SETBP1: variants seen among roughly 807,000 people sequenced by gnomAD.
SETBP1 encodes the protein SET binding protein 1, also known as SET-binding protein.
SETBP1 carries 9 observed loss-of-function variants against 101.0 expected under a neutral mutation model. The observed-to-expected ratio is 0.09, with a 90% CI of 0.05 to 0.16. The LOEUF (loss-of-function observed/expected upper bound fraction) is 0.16. Ranked by LOEUF, SETBP1 falls within the 10% of genes least tolerant of loss-of-function variation. SETBP1 has a pLI of 1.00. For missense variants in SETBP1, 1,858 were observed against 2,033.8 expected, an observed-to-expected ratio of 0.91 and a Z score of 1.66; for synonymous variants, 818 against 788.5, an observed-to-expected ratio of 1.04 and a Z score of -0.63.
chr18:44,966,864 G>A (rs541587903), intron 4 of SETBP1, among the ~76,000 whole-genome samples: 6 of 152,224 alleles, frequency 3.9e-5, no homozygotes, highest in Admixed American at 1.3e-4. Flanking sequence ...TTCCTAGCCC[G>A]AAAAATGAAG....
At chr18:44,903,120 C>T (rs1278914885) in intron 3 of SETBP1, among the ~76,000 whole-genome samples, 1 of 152,142 alleles carries the variant, frequency 6.6e-6, no homozygotes, top group African/African-American at 2.4e-5. Context: ...TACTTAACCA[C>T]GTCACCATTT....
chr18:44,722,247 T>C (rs2069616197), intron 2 of SETBP1, among the ~76,000 whole-genome samples: 1 of 152,146 alleles, frequency 6.6e-6, no homozygotes, highest in Admixed American at 6.5e-5. Context: ...GAGGAAGGAA[T>C]CCTGGGAACC....
In SETBP1 at chr18:44,748,646, G is replaced by A. The variant is rs186038912; in HGVS notation, c.486+46814G>A. On this transcript the variant is annotated intron_variant, in intron 2 of 5. Transcript: ENST00000649279. ...TTGTGCGTGTGCAGGCACCATGTGC[G>A]TGCTTGTGCATGCACATCCCAGGAG... Among the ~76,000 whole-genome samples, 674 of 152,020 alleles carry A rather than the reference G, an allele frequency of 4.4e-3. 8 individuals carry two copies. The highest frequency in any genetic ancestry group is 0.016 in the African/African-American group (643 of 41,294).
At chr18:44,728,266 T>C (rs2069759024) in intron 2 of SETBP1, among the ~76,000 whole-genome samples, 1 of 152,190 alleles carries the variant, frequency 6.6e-6, no homozygotes, top group Admixed American at 6.5e-5. Context: ...TTCTGGAGAT[T>C]TAGCAGTTAT....
chr18:44,850,001 T>C (rs2072814948), intron 2 of SETBP1, among the ~76,000 whole-genome samples: 1 of 152,236 alleles, frequency 6.6e-6, no homozygotes, highest in Non-Finnish European at 1.5e-5. Context: ...TCTTTTAGTA[T>C]ATGCTTCTAT....
At chr18:44,932,167 G>T (rs910050178) in intron 3 of SETBP1, among the ~76,000 whole-genome samples, 1 of 152,114 alleles carries the variant, frequency 6.6e-6, no homozygotes, top group African/African-American at 2.4e-5. Context: ...TTTGTTTATT[G>T]TAAAGGATTT....
intron 2 of SETBP1, among the ~76,000 whole-genome samples, chr18:44,717,914 C>G (rs1403276568): frequency 5.3e-5 from 8 of 150,484 alleles, no homozygotes; most frequent in African/African-American, 1.5e-4. Flanking sequence ...ATATATGCAT[C>G]TGTGTGTGTG....
intron 2 of SETBP1, among the ~76,000 whole-genome samples, chr18:44,707,825 G>T (rs544695387): frequency 6.6e-5 from 10 of 152,306 alleles, no homozygotes; most frequent in African/African-American, 2.2e-4. Flanking sequence ...TTTGAATCAG[G>T]GAGAAGGAAC....
At chr18:44,839,013 C>G (rs1488983502) in intron 2 of SETBP1, among the ~76,000 whole-genome samples, 1 of 151,328 alleles carries the variant, frequency 6.6e-6, no homozygotes, top group Non-Finnish European at 1.5e-5. Context: ...ACTCAACTGT[C>G]GGTTTGAAGG....
chr18:44,776,946 G>A (rs557500915), intron 2 of SETBP1, among the ~76,000 whole-genome samples: 1 of 152,328 alleles, frequency 6.6e-6, no homozygotes, highest in Admixed American at 6.5e-5. Flanking sequence ...TTTCCCTTAG[G>A]CTACCTCCCA....
chr18:44,849,158 G>T (rs111352405), intron 2 of SETBP1, among the ~76,000 whole-genome samples: 1 of 152,140 alleles, frequency 6.6e-6, no homozygotes, highest in Non-Finnish European at 1.5e-5. Flanking sequence ...GAGGAAATTG[G>T]CACAGAGCCC....
intron 4 of SETBP1, among the ~76,000 whole-genome samples, chr18:44,985,640 A>G (rs1395972766): frequency 6.6e-6 from 1 of 152,178 alleles, no homozygotes; most frequent in Non-Finnish European, 1.5e-5. Context: ...ACAACTGTTT[A>G]GTTTTTACAG....
chr18:44,866,864 A>G (rs1353470374), intron 2 of SETBP1, among the ~76,000 whole-genome samples: 2 of 152,214 alleles, frequency 1.3e-5, no homozygotes, highest in African/African-American at 4.8e-5. Flanking sequence ...TGCAAGGAAG[A>G]GTTAGTTAAG....
chr18:44,933,802 C>G (rs34713308), intron 3 of SETBP1, among the ~76,000 whole-genome samples: 2 of 152,002 alleles, frequency 1.3e-5, no homozygotes, highest in Non-Finnish European at 2.9e-5. Flanking sequence ...ATTGGAAAAG[C>G]GCAGTATTAG....
At position 44,950,656 on chromosome 18, in the gene SETBP1, C is replaced by G; in HGVS notation, c.1316C>G (p.Ser439Cys). 1 of 1,614,184 alleles carries G rather than the reference C, an allele frequency of 6.2e-7. No homozygotes were observed. Among genetic ancestry groups the G allele is most frequent in the Non-Finnish European group, 8.5e-7 (1 of 1,180,028 alleles). The stretch of plus-strand genomic sequence containing the variant: ...ATCATGCCAGAGAAAGCCTTGGCTT[C>G]TGGAATCACCATGAGCAGTGAAGTA... ...EKIMPEKALASGITMSSEVVN... is the reference protein window; with the variant it reads ...EKIMPEKALACGITMSSEVVN... The change falls in exon 4 of 6, where the codon TCT (serine) becomes TGT (cysteine). Residue 439 changes from serine (S) to cysteine (C), a missense_variant. This residue lies in a region of SETBP1 where 581 missense variants were observed against 535.1 expected (regional missense o/e 1.09). Coordinates refer to ENST00000649279, the MANE Select transcript of SETBP1 (RefSeq NM_015559.3).
At position 44,949,992 on chromosome 18, in the gene SETBP1, A is replaced by T; in HGVS notation, c.652A>T (p.Asn218Tyr). The change falls in exon 4 of 6, where the codon AAC becomes TAC. Residue 218 changes from asparagine (N) to tyrosine (Y), a missense_variant. Asn to Tyr is a moderately radical substitution (Grantham distance 143, BLOSUM62 -2). This residue lies in a region of SETBP1 where 581 missense variants were observed against 535.1 expected (regional missense o/e 1.09). Coordinates refer to ENST00000649279, the MANE Select transcript of SETBP1 (RefSeq NM_015559.3). ...GCACCAGCAAAAAAGCAGCAGCCAGAACCACATGGACTGGTCCACCAACTC... is the reference window on the plus strand; with the variant it reads ...GCACCAGCAAAAAAGCAGCAGCCAGTACCACATGGACTGGTCCACCAACTC... ...PKHQQKSSSQ[N>Y]HMDWSTNSDS... is the part of the protein sequence containing the mutation. 3.1e-6 allele frequency: 5 copies of T among 1,614,204 alleles called. No individual in the cohort carries two copies. Among genetic ancestry groups the T allele is most frequent in the Non-Finnish European group, 4.2e-6 (5 of 1,180,020 alleles).
At chr18:45,051,060 G>A (rs952599329) in intron 5 of SETBP1, among the ~76,000 whole-genome samples, 2 of 152,160 alleles carry the variant, frequency 1.3e-5, no homozygotes, top group African/African-American at 2.4e-5. Context: ...CAGACTCTGG[G>A]AAGCTGATGA....
chr18:44,693,080 T>C (rs1441300049), intron 1 of SETBP1, among the ~76,000 whole-genome samples: 1 of 152,178 alleles, frequency 6.6e-6, no homozygotes, highest in Non-Finnish European at 1.5e-5. Flanking sequence ...CTCTTGCCGA[T>C]TGAGAGCTAG....
chr18:44,752,496 G>A (rs906762734), intron 2 of SETBP1, among the ~76,000 whole-genome samples: 2 of 152,186 alleles, frequency 1.3e-5, no homozygotes, highest in East Asian at 3.8e-4. Context: ...GTTGAGTAGG[G>A]AAATGTGCAG....
Sources: gnomAD v4.1 joint callset for allele counts (sites outside exome capture counted in the v4.1 genomes callset) on GRCh38, gnomAD v4.1.1 for gene constraint, gnomAD v4.1.1 regional missense constraint, MANE v1.5 for transcripts, NCBI Gene and HGNC (gene_info 2026-07-23, HGNC 2026-07-21) for gene names.